The following IMPG2 variants were observed in gnomAD, a reference collection of about 807,000 sequenced individuals.
IMPG2 encodes the protein interphotoreceptor matrix proteoglycan 2, also known as IPM 200.
A neutral mutation model predicts 129.2 loss-of-function variants in IMPG2; 91 were observed. That is an observed-to-expected ratio of 0.70 (90% CI 0.59 to 0.84). The LOEUF is 0.84. Among genes scored for constraint, IMPG2 ranks in the 40% least tolerant of loss-of-function variants. IMPG2 has a pLI of 0.00. For missense variants in IMPG2, 1,430 were observed against 1,461.7 expected (o/e 0.98, Z 0.35); for synonymous variants, 510 against 517.7 (o/e 0.99, Z 0.20).
intron 3 of IMPG2, among the ~76,000 whole-genome samples, chr3:101,303,364 G>A (rs373889836): frequency 6.6e-5 from 10 of 152,134 alleles, no homozygotes; most frequent in African/African-American, 2.4e-4. Context: ...AAACAGTACA[G>A]TATTAAAAAT....
chr3:101,296,733 C>T (rs1049664786), intron 3 of IMPG2, among the ~76,000 whole-genome samples: 1 of 152,052 alleles, frequency 6.6e-6, no homozygotes, highest in Non-Finnish European at 1.5e-5. Context: ...TAATTACTGC[C>T]TCAATTTCAG....
chr3:101,250,628 AC>A (rs1200237138), intron 11 of IMPG2, among the ~76,000 whole-genome samples: 2 of 152,204 alleles, frequency 1.3e-5, no homozygotes, highest in Non-Finnish European at 2.9e-5. Flanking sequence ...TTTCCCACTA[AC>A]AGCTATTCAT....
At chr3:101,261,863 G>A (rs557387238) in intron 9 of IMPG2, among the ~76,000 whole-genome samples, 165 of 152,178 alleles carry the variant, frequency 1.1e-3, no homozygotes, top group African/African-American at 3.9e-3. Context: ...GTATGTGATT[G>A]AAGAAAGCTG....
intron 4 of IMPG2, among the ~76,000 whole-genome samples, chr3:101,277,176 T>C (rs939414463): frequency 6.6e-6 from 1 of 152,186 alleles, no homozygotes; most frequent in East Asian, 1.9e-4. Context: ...ATGTGGTTAA[T>C]GGCCATCATA....
At chr3:101,255,320 A>C (rs187329731) in intron 10 of IMPG2, among the ~76,000 whole-genome samples, 6 of 152,282 alleles carry the variant, frequency 3.9e-5, no homozygotes, top group African/African-American at 1.4e-4. Context: ...CACTTGAATT[A>C]GTTGGTACTA....
At chr3:101,267,364 G>A in intron 9 of IMPG2, 147 bp downstream of exon 9, 1 of 726,746 alleles carries the variant, frequency 1.4e-6, no homozygotes. Flanking sequence ...TAATAGAAAA[G>A]TTTGACAAAC....
rs2107149531 is a variant in IMPG2, at chr3:101,320,369, T to C, written c.4A>G (p.Ile2Val). M[I>V]MFPLFGKISL... ...ATCTTCCCAAAAAGAGGAAACATAATCATTTGGGCCAAAACCAAAGGAATG... is the reference window on the plus strand; with the variant it reads ...ATCTTCCCAAAAAGAGGAAACATAACCATTTGGGCCAAAACCAAAGGAATG... The change falls in exon 1 of 19, where the codon ATT becomes GTT. Residue 2 changes from isoleucine (I) to valine (V), a missense_variant. Coordinates refer to ENST00000193391, the MANE Select transcript of IMPG2 (RefSeq NM_016247.4). The C allele has an allele frequency of 2.5e-6, 4 of 1,603,308 alleles. No individual in the cohort carries two copies. The highest frequency in any genetic ancestry group is 3.4e-6 in the Non-Finnish European group (4 of 1,171,116).
At chr3:101,258,273 G>A (rs1320433649) in intron 9 of IMPG2, among the ~76,000 whole-genome samples, 1 of 152,044 alleles carries the variant, frequency 6.6e-6, no homozygotes, top group Non-Finnish European at 1.5e-5. Flanking sequence ...AAAGCAAATT[G>A]ATGATTATTT....
At chr3:101,304,108 A>T in intron 3 of IMPG2, 38 bp downstream of exon 3, 1 of 1,609,104 alleles carries the variant, frequency 6.2e-7, no homozygotes, top group Non-Finnish European at 8.5e-7. Flanking sequence ...ATGCTCCTAC[A>T]ATAGTCCAGG....
In IMPG2 at chr3:101,301,387, T is replaced by TA. The variant is rs933185167; in HGVS notation, c.501+2758dup. On this transcript the variant is annotated intron_variant, in intron 3 of 18. Coordinates refer to ENST00000193391, the MANE Select transcript of IMPG2 (RefSeq NM_016247.4). ...AGGGTTGTCATAAACCTTTGATTTG[T>TA]AAAAAATGCAGTATCTGTGAAGCAC... 7.2e-5 allele frequency among the ~76,000 whole-genome samples: 11 copies of TA among 152,298 alleles called. 1 individual carries two copies. Among genetic ancestry groups the TA allele is most frequent in the East Asian group, 3.9e-4 (2 of 5,188 alleles).
chr3:101,316,355 T>C (rs911487878), intron 2 of IMPG2, among the ~76,000 whole-genome samples: 5 of 152,002 alleles, frequency 3.3e-5, no homozygotes, highest in African/African-American at 4.8e-5. Context: ...ATGCAAAATA[T>C]ATGTTTGACA....
chr3:101,222,774 C>T lies in IMPG2; in HGVS notation c.*4195G>A, dbSNP rs1348854895. ...AGAAAAGTCCTTCATTATCCATACT[C>T]GATATTAAACATATATTACTGTATG... is the stretch of plus-strand genomic sequence containing the variant. On this transcript the variant is annotated 3_prime_UTR_variant, in exon 19 of 19. Transcript: ENST00000193391. The T allele has an allele frequency of 2.0e-5, 3 of 152,110 alleles. No individual in the cohort carries two copies. The highest frequency in any genetic ancestry group is 2.0e-4 in the Admixed American group (3 of 15,272). 9.4% of individuals were successfully genotyped at this position (152,110 alleles called of 1,614,324 possible).
Position 101,269,583 on chromosome 3 carries a change from G to C in IMPG2, c.829-10C>G, listed in dbSNP as rs745914645. The C allele has an allele frequency of 6.6e-7, 1 of 1,520,062 alleles. No individual in the cohort carries two copies. Among genetic ancestry groups the C allele is most frequent in the South Asian group, 1.1e-5 (1 of 88,628 alleles). The allele number at this position is 1,520,062 out of a possible 1,614,324, so 94.2% of individuals were successfully genotyped here. On this transcript the variant is annotated splice_polypyrimidine_tract_variant and intron_variant, in intron 7 of 18. Transcript: ENST00000193391. The stretch of plus-strand genomic sequence containing the variant: ...TAAATGCATTTTCAACCTGTTAAAA[G>C]TACAAATAAAAATGATAACTATGTA...
Position 101,243,716 on chromosome 3 carries a change from A to T in IMPG2, c.2615T>A (p.Val872Asp), listed in dbSNP as rs1481728377. 6.2e-7 allele frequency: 1 copy of T among 1,613,932 alleles called. No homozygotes were observed. The highest frequency in any genetic ancestry group is 8.5e-7 in the Non-Finnish European group (1 of 1,179,876). The change falls in exon 13 of 19, where the codon GTT (valine) becomes GAT (aspartate). Residue 872 changes from valine (V) to aspartate (D), a missense_variant. Physicochemically the swap from Val to Asp is radical, Grantham distance 152 (BLOSUM62 -3). Coordinates refer to ENST00000193391, the MANE Select transcript of IMPG2 (RefSeq NM_016247.4). ...VGSYVEMSTS[V>D]HSTEMVSVAW... The stretch of plus-strand genomic sequence containing the variant: ...CACACTAACCATCTCTGTGGAGTGA[A>T]CACTTGTTGACATTTCCACATAACT...
chr3:101,249,908 T>C (rs927727426), intron 11 of IMPG2, among the ~76,000 whole-genome samples: 4 of 150,756 alleles, frequency 2.7e-5, no homozygotes, highest in African/African-American at 9.8e-5. Flanking sequence ...ACGAAAAACA[T>C]AAAATAAAAA....
rs1344939480 is a variant in IMPG2 at position 101,269,600 on chromosome 3, A to G, written c.829-27T>C. On this transcript the variant is annotated intron_variant, in intron 7 of 18. Coordinates refer to ENST00000193391, the MANE Select transcript of IMPG2 (RefSeq NM_016247.4). ...TGTTAAAAGTACAAATAAAAATGAT[A>G]ACTATGTAAAAATATGGAAAAATAT... 4 of 1,344,452 alleles carry G rather than the reference A, an allele frequency of 3.0e-6. No homozygotes were observed. In the African/African-American group the frequency reaches 5.8e-5, roughly 19 times the overall value. 83.3% of individuals were successfully genotyped at this position (1,344,452 alleles called of 1,614,324 possible). A position where few individuals can be genotyped will look rare whatever the true frequency, so the allele number is the denominator to read the frequency against.
chr3:101,305,163 C>T (rs975101971), intron 2 of IMPG2, among the ~76,000 whole-genome samples: 8 of 151,902 alleles, frequency 5.3e-5, no homozygotes, highest in Non-Finnish European at 1.2e-4. Context: ...CAATGATAAA[C>T]AGAAATGAAC....
At chr3:101,256,327 C>CAT (rs1475718690) in intron 10 of IMPG2, among the ~76,000 whole-genome samples, 4 of 151,886 alleles carry the variant, frequency 2.6e-5, no homozygotes, top group Non-Finnish European at 4.4e-5. Flanking sequence ...CACACACACA[C>CAT]ATACACACAA....
chr3:101,244,829 A>T (rs1368155596), intron 12 of IMPG2, 42 bp from the exon 13 acceptor site: 1 of 1,537,572 alleles, frequency 6.5e-7, no homozygotes, highest in Non-Finnish European at 9.0e-7. Flanking sequence ...CAGAGTTGCC[A>T]AAATGTATTC....
Sources: allele counts gnomAD v4.1 joint callset (sites outside exome capture counted in the v4.1 genomes callset), GRCh38; gene constraint gnomAD v4.1.1; transcripts MANE v1.5; gene names NCBI Gene and HGNC (gene_info 2026-07-23, HGNC 2026-07-21).